The following HS6ST3 variants were observed in gnomAD, a reference collection of about 807,000 sequenced individuals.
The protein encoded by HS6ST3 is heparan sulfate 6-O-sulfotransferase 3, also known as heparan-sulfate 6-O-sulfotransferase 3.
A neutral mutation model predicts 36.7 loss-of-function variants in HS6ST3; 12 were observed. The observed-to-expected ratio is 0.33, with a 90% CI of 0.21 to 0.53. The LOEUF (loss-of-function observed/expected upper bound fraction) is 0.53. Ranked by LOEUF, HS6ST3 falls within the 20% of genes least tolerant of loss-of-function variation. HS6ST3 has a pLI of 0.95. For missense variants in HS6ST3, 584 were observed against 640.9 expected, an observed-to-expected ratio of 0.91 and a Z score of 0.96; for synonymous variants, 240 against 257.5, an observed-to-expected ratio of 0.93 and a Z score of 0.65.
At chr13:96,640,209 C>T (rs1451450459) in intron 1 of HS6ST3, among the ~76,000 whole-genome samples, 1 of 152,006 alleles carries the variant, frequency 6.6e-6, no homozygotes, top group Non-Finnish European at 1.5e-5. Flanking sequence ...GTTCCCTTTT[C>T]TCTGTAGCCT....
intron 1 of HS6ST3, among the ~76,000 whole-genome samples, chr13:96,113,358 G>GC (rs2053879627): frequency 6.6e-6 from 1 of 152,026 alleles, no homozygotes. Context: ...GCACACCCCT[G>GC]CCCCCCATTA....
At chr13:96,481,928 G>A (rs1032091853) in intron 1 of HS6ST3, among the ~76,000 whole-genome samples, 2 of 151,970 alleles carry the variant, frequency 1.3e-5, no homozygotes, top group African/African-American at 4.8e-5. Context: ...TCCTTTCTTT[G>A]TTCTCTCTGT....
chr13:96,264,758 A>T (rs529931899), intron 1 of HS6ST3, among the ~76,000 whole-genome samples: 22 of 152,330 alleles, frequency 1.4e-4, no homozygotes, highest in African/African-American at 5.3e-4. Flanking sequence ...CAGTGTCACC[A>T]TGGGTTATTT....
At chr13:96,650,989 G>T (rs2056605360) in intron 1 of HS6ST3, among the ~76,000 whole-genome samples, 2 of 151,786 alleles carry the variant, frequency 1.3e-5, no homozygotes, top group Admixed American at 6.6e-5. Context: ...TCAACACCAG[G>T]TTCATCTTCC....
chr13:96,622,804 T>C (rs1170220001), intron 1 of HS6ST3, among the ~76,000 whole-genome samples: 1 of 152,200 alleles, frequency 6.6e-6, no homozygotes, highest in Non-Finnish European at 1.5e-5. Context: ...TAAGAAAATA[T>C]CAACCTTTTA....
intron 1 of HS6ST3, among the ~76,000 whole-genome samples, chr13:96,279,933 G>T (rs971418110): frequency 6.6e-6 from 1 of 152,212 alleles, no homozygotes; most frequent in East Asian, 1.9e-4. Flanking sequence ...ATTTTTACAA[G>T]ATATCTAATC....
chr13:96,642,843 A>G (rs535929205), intron 1 of HS6ST3, among the ~76,000 whole-genome samples: 5 of 151,986 alleles, frequency 3.3e-5, no homozygotes, highest in African/African-American at 1.2e-4. Flanking sequence ...AATTCTTTAA[A>G]TATATTTAAA....
chr13:96,636,001 C>T (rs549394094), intron 1 of HS6ST3, among the ~76,000 whole-genome samples: 35 of 152,324 alleles, frequency 2.3e-4, no homozygotes, highest in African/African-American at 7.7e-4. Flanking sequence ...CACTTACCCT[C>T]TTCTGTACTT....
rs1357490538 is a variant in HS6ST3 at position 96,667,893 on chromosome 13, C to T, written c.708-164597C>T. Among the ~76,000 whole-genome samples the T allele has an allele frequency of 3.2e-4, 48 of 152,140 alleles. 1 individual carries two copies. On this transcript the variant is annotated intron_variant, in intron 1 of 1. Transcript: ENST00000376705. ...TGTGCCCTTGTGCCAGAATTCTTGT[C>T]TGTAAACCCAGAAGCCACATTTTAG...
rs183280629 is a variant in HS6ST3 at position 96,594,005 on chromosome 13, G to T, written c.708-238485G>T. 1.1e-3 allele frequency among the ~76,000 whole-genome samples: 162 copies of T among 151,278 alleles called. 5 individuals are homozygous for T. The East Asian group carries it at 0.023, about 21-fold the overall frequency. ...GAATTTCGCTCTTGTTTCCCAGGCT[G>T]GAGTGCAATGGCGCGATCTCAGCTC... On this transcript the variant is annotated intron_variant, in intron 1 of 1. Transcript: ENST00000376705.
intron 1 of HS6ST3, among the ~76,000 whole-genome samples, chr13:96,514,853 A>C (rs1425378030): frequency 6.6e-6 from 1 of 152,224 alleles, no homozygotes; most frequent in African/African-American, 2.4e-5. Context: ...TGACAAGTTA[A>C]ATTTAAGATA....
intron 1 of HS6ST3, among the ~76,000 whole-genome samples, chr13:96,513,042 A>G (rs1433459449): frequency 6.6e-6 from 1 of 152,008 alleles, no homozygotes; most frequent in Non-Finnish European, 1.5e-5. Flanking sequence ...GGATGATTCT[A>G]AAGTTATTGA....
intron 1 of HS6ST3, among the ~76,000 whole-genome samples, chr13:96,559,728 T>C (rs2056255020): frequency 1.3e-5 from 2 of 152,172 alleles, no homozygotes; most frequent in African/African-American, 2.4e-5. Flanking sequence ...TTATTCTTTT[T>C]TTTTTTTCTT....
chr13:96,229,666 A>G, intron 1 of HS6ST3, among the ~76,000 whole-genome samples: 1 of 152,230 alleles, frequency 6.6e-6, no homozygotes, highest in East Asian at 1.9e-4. Context: ...TAGGGCTTCA[A>G]CATATAAGTT....
chr13:96,658,897 G>A (rs962414896), intron 1 of HS6ST3, among the ~76,000 whole-genome samples: 8 of 151,426 alleles, frequency 5.3e-5, no homozygotes, highest in Admixed American at 4.6e-4. Flanking sequence ...TAGTAGAGAT[G>A]GAGTTTCACC....
intron 1 of HS6ST3, among the ~76,000 whole-genome samples, chr13:96,653,412 A>G (rs563625622): frequency 6.6e-6 from 1 of 151,856 alleles, no homozygotes; most frequent in African/African-American, 2.4e-5. Flanking sequence ...CCTTGTGTCC[A>G]TGTGTTCTCA....
intron 1 of HS6ST3, among the ~76,000 whole-genome samples, chr13:96,486,501 G>A (rs58982149): frequency 0.028 from 4,310 of 152,170 alleles, 210 homozygotes; most frequent in African/African-American, 0.098. Context: ...ATGTGTTCCT[G>A]TTTCTCCACA....
chr13:96,559,187 G>C (rs776157436), intron 1 of HS6ST3, among the ~76,000 whole-genome samples: 1 of 151,972 alleles, frequency 6.6e-6, no homozygotes, highest in Non-Finnish European at 1.5e-5. Context: ...TGTGATCTCA[G>C]CTCACTGCAA....
At chr13:96,123,263 T>TC (rs2139307415) in intron 1 of HS6ST3, among the ~76,000 whole-genome samples, 1 of 152,332 alleles carries the variant, frequency 6.6e-6, no homozygotes, top group Admixed American at 6.5e-5. Flanking sequence ...TTGAGTTTTA[T>TC]CCATGCCGTT....
Sources: allele counts gnomAD v4.1 joint callset (sites outside exome capture counted in the v4.1 genomes callset), GRCh38; gene constraint gnomAD v4.1.1; transcripts MANE v1.5; gene names NCBI Gene and HGNC (gene_info 2026-07-23, HGNC 2026-07-21).